MAN2A1: variants seen among roughly 807,000 people sequenced by gnomAD.
MAN2A1 encodes the protein mannosidase alpha class 2A member 1.
Under a neutral mutation model 142.6 loss-of-function variants are expected in MAN2A1, and 76 were observed. The ratio of observed to expected loss-of-function variants is 0.53; its 90% confidence interval spans 0.44 to 0.65. The LOEUF is 0.65. Ranked by LOEUF, MAN2A1 falls within the 30% of genes least tolerant of loss-of-function variation. MAN2A1 has a pLI of 0.00. For synonymous variants in MAN2A1, 559 were observed against 473.2 expected, an observed-to-expected ratio of 1.18 and a Z score of -2.35; for missense variants, 1,311 against 1,365.1, an observed-to-expected ratio of 0.96 and a Z score of 0.62.
chr5:109,750,986 C>T (rs1250744187), intron 4 of MAN2A1, among the ~76,000 whole-genome samples: 1 of 152,022 alleles, frequency 6.6e-6, no homozygotes, highest in African/African-American at 2.4e-5. Flanking sequence ...GGAACATTTC[C>T]AGTCCTCTTT....
At chr5:109,793,007 A>C (rs1042160394) in intron 12 of MAN2A1, among the ~76,000 whole-genome samples, 1 of 152,102 alleles carries the variant, frequency 6.6e-6, no homozygotes, top group African/African-American at 2.4e-5. Context: ...TGGTCAAGGA[A>C]GTCATTAAGG....
chr5:109,760,167 C>T (rs748658471), intron 5 of MAN2A1, among the ~76,000 whole-genome samples: 2 of 151,940 alleles, frequency 1.3e-5, no homozygotes, highest in Non-Finnish European at 2.9e-5. Flanking sequence ...CCCTGTGTGT[C>T]GTGTTCCCCT....
chr5:109,780,491 T>C (rs2112665063), intron 8 of MAN2A1, among the ~76,000 whole-genome samples: 1 of 151,260 alleles, frequency 6.6e-6, no homozygotes, highest in South Asian at 2.1e-4. Flanking sequence ...CTACCTTGAA[T>C]CAAAATGACT....
intron 5 of MAN2A1, among the ~76,000 whole-genome samples, chr5:109,756,746 C>T (rs2112629695): frequency 6.6e-6 from 1 of 152,272 alleles, no homozygotes; most frequent in African/African-American, 2.4e-5. Flanking sequence ...TTTAGAAAGG[C>T]CTTGCTTGCA....
chr5:109,783,844 T>A (rs1006963266), intron 9 of MAN2A1, among the ~76,000 whole-genome samples: 1 of 152,078 alleles, frequency 6.6e-6, no homozygotes, highest in African/African-American at 2.4e-5. Context: ...CTGAAGGTTT[T>A]TTCCTTTAAA....
At chr5:109,760,205 G>A (rs1342521183) in intron 5 of MAN2A1, among the ~76,000 whole-genome samples, 12 of 151,832 alleles carry the variant, frequency 7.9e-5, no homozygotes, top group African/African-American at 2.7e-4. Flanking sequence ...CTCATTGTTC[G>A]ACTCCCACTT....
rs758344202 is a variant in MAN2A1 at position 109,716,138 on chromosome 5, C to T, written c.409C>T (p.Leu137=). The T allele has an allele frequency of 3.1e-6, 5 of 1,606,270 alleles. No individual in the cohort carries two copies. Among genetic ancestry groups the T allele is most frequent in the Admixed American group, 1.7e-5 (1 of 59,336 alleles). ...SDVQMLDVYS[L]ISFDNPDGGV... ...TTTTTAGATGTTGGATGTTTACAGT[C>T]TAATTTCTTTTGACAATCCAGATGG... is the stretch of plus-strand genomic sequence containing the variant. Residue 137 remains leucine (L), a synonymous_variant, in exon 3 of 22, where the codon CTA becomes TTA. Coordinates refer to ENST00000261483, the MANE Select transcript of MAN2A1 (RefSeq NM_002372.4).
At chr5:109,858,080 T>G (rs1755669099) in intron 20 of MAN2A1, among the ~76,000 whole-genome samples, 1 of 152,220 alleles carries the variant, frequency 6.6e-6, no homozygotes, top group African/African-American at 2.4e-5. Flanking sequence ...GCAGAGGGAA[T>G]AGAGAGCAAC....
At chr5:109,708,052 T>TAG (rs1262171188) in intron 1 of MAN2A1, among the ~76,000 whole-genome samples, 19 of 151,576 alleles carry the variant, frequency 1.3e-4, no homozygotes, top group African/African-American at 4.6e-4. Context: ...TAAGAGAGTA[T>TAG]AGAGAGGTAA....
chr5:109,704,586 G>C (rs1751078150), intron 1 of MAN2A1, among the ~76,000 whole-genome samples: 2 of 152,118 alleles, frequency 1.3e-5, no homozygotes, highest in Admixed American at 6.5e-5. Context: ...ACATCTTAAG[G>C]GGTGGAGTGG....
intron 5 of MAN2A1, among the ~76,000 whole-genome samples, chr5:109,759,113 T>A (rs1424971505): frequency 6.6e-6 from 1 of 152,166 alleles, no homozygotes; most frequent in East Asian, 1.9e-4. Flanking sequence ...GCTAGAATTT[T>A]GCTAGTGGTT....
At chr5:109,856,114 T>C (rs1755599351) in intron 20 of MAN2A1, among the ~76,000 whole-genome samples, 1 of 152,116 alleles carries the variant, frequency 6.6e-6, no homozygotes, top group African/African-American at 2.4e-5. Context: ...TAAGGATAAA[T>C]GCCTATAATT....
intron 4 of MAN2A1, among the ~76,000 whole-genome samples, chr5:109,731,607 T>C (rs1390061250): frequency 6.8e-6 from 1 of 147,624 alleles, no homozygotes; most frequent in African/African-American, 2.5e-5. Context: ...TGAGAACATG[T>C]GGTGTTTGGT....
At chr5:109,833,275 G>A (rs1025394887) in intron 16 of MAN2A1, among the ~76,000 whole-genome samples, 4 of 152,126 alleles carry the variant, frequency 2.6e-5, no homozygotes, top group Non-Finnish European at 5.9e-5. Flanking sequence ...GGTGGCGGCC[G>A]GGCAGAGGCT....
At position 109,767,607 on chromosome 5, in the gene MAN2A1, G is replaced by A. The variant is rs756871459; in HGVS notation, c.908G>A (p.Arg303His). Residue 303 changes from arginine to histidine, a missense_variant, in exon 6 of 22, where the codon CGT becomes CAT. Around this residue, in one of 3 missense-constraint regions of MAN2A1, gnomAD observed 409 missense variants for 412.7 expected, o/e 0.99. Coordinates refer to ENST00000261483, the MANE Select transcript of MAN2A1 (RefSeq NM_002372.4). ...HSPTMAYLLN[R>H]AGLSHMLIQR... ...CCAACAATGGCTTATCTTCTAAACC[G>A]TGCTGGACTTTCTCACATGCTTATC... 1.2e-6 allele frequency: 2 copies of A among 1,613,586 alleles called. No homozygotes were observed. Among genetic ancestry groups the A allele is most frequent in the African/African-American group, 1.3e-5 (1 of 74,900 alleles).
At chr5:109,809,896 G>A (rs775706321) in intron 12 of MAN2A1, among the ~76,000 whole-genome samples, 3 of 151,772 alleles carry the variant, frequency 2.0e-5, no homozygotes, top group East Asian at 1.9e-4. Context: ...TGTCCCTAAC[G>A]TTCTTTTCTA....
intron 20 of MAN2A1, 65 bp downstream of exon 20, chr5:109,855,399 G>A (rs1172891390): frequency 9.6e-7 from 1 of 1,040,232 alleles, no homozygotes; most frequent in Non-Finnish European, 1.3e-6. Context: ...AAGGGGGTAA[G>A]GAAAGGAGAA....
In MAN2A1 at chr5:109,737,092, CTTTTTTTT is replaced by C. The variant is rs10686903; in HGVS notation, c.707+7591_707+7598del. Among the ~76,000 whole-genome samples the C allele has an allele frequency of 2.7e-4, 30 of 112,160 alleles. 1 individual carries two copies. In the East Asian group the frequency reaches 3.7e-3, roughly 14 times the overall value. 73.6% of individuals were successfully genotyped at this position (112,160 alleles called of 152,430 possible). On this transcript the variant is annotated intron_variant, in intron 4 of 21. Transcript: ENST00000261483. ...GGCCATAGAATATGGACTGTATACT[CTTTTTTTT>C]TTTTTTTTTTTGAGACTGAGTCTCG...
intron 12 of MAN2A1, among the ~76,000 whole-genome samples, chr5:109,800,176 C>G (rs1353526638): frequency 6.6e-6 from 1 of 151,870 alleles, no homozygotes; most frequent in Non-Finnish European, 1.5e-5. Context: ...CACACATACA[C>G]CATTTGCCTG....
Sources: gnomAD v4.1 joint callset for allele counts (sites outside exome capture counted in the v4.1 genomes callset) on GRCh38, gnomAD v4.1.1 for gene constraint, gnomAD v4.1.1 regional missense constraint, MANE v1.5 for transcripts, NCBI Gene and HGNC (gene_info 2026-07-23, HGNC 2026-07-21) for gene names.